RBBP8: variants seen among roughly 807,000 people sequenced by gnomAD.
RBBP8 encodes the protein RB binding protein 8, endonuclease, also known as DNA endonuclease RBBP8.
In RBBP8, 88 loss-of-function variants were observed where a neutral mutation model predicts 108.3. That is an observed-to-expected ratio of 0.81 (90% CI 0.68 to 0.97). The LOEUF is 0.97. Among genes scored for constraint, RBBP8 ranks in the 50% least tolerant of loss-of-function variants. The probability of loss-of-function intolerance (pLI) is 0.00; values close to 1 mark genes in which losing one functional copy is unlikely to be tolerated. For synonymous variants in RBBP8, 332 were observed against 348.2 expected (o/e 0.95, Z 0.52); for missense variants, 1,023 against 1,049.0 (o/e 0.98, Z 0.34).
At chr18:22,989,196 A>C (rs780584120) in intron 8 of RBBP8, 25 bp from the exon 9 acceptor site, 1 of 1,518,068 alleles carries the variant, frequency 6.6e-7, no homozygotes. Flanking sequence ...ATTATTTATT[A>C]AAATGGTTTA....
chr18:23,006,528 GT>G, intron 16 of RBBP8, 96 bp downstream of exon 16: 5 of 1,048,202 alleles, frequency 4.8e-6, no homozygotes, highest in Non-Finnish European at 7.2e-6. Flanking sequence ...TAAAGACAGA[GT>G]CTTGCTCTGT....
intron 14 of RBBP8, among the ~76,000 whole-genome samples, chr18:23,001,166 TAAC>T (rs1380509975): frequency 6.6e-6 from 1 of 152,350 alleles, no homozygotes; most frequent in African/African-American, 2.4e-5. Context: ...TTAACACTCT[TAAC>T]AAGACAGCTT....
intron 12 of RBBP8, among the ~76,000 whole-genome samples, chr18:22,995,624 C>G (rs2045842529): frequency 6.6e-6 from 1 of 152,070 alleles, no homozygotes; most frequent in South Asian, 2.1e-4. Context: ...GTAGATTTGC[C>G]TATTCTGGGA....
chr18:22,933,728 G>A (rs1910218181), intron 1 of RBBP8, 164 bp downstream of exon 1: 1 of 152,334 alleles, frequency 6.6e-6, no homozygotes, highest in Admixed American at 6.6e-5. Flanking sequence ...ACTCGGTGGT[G>A]GTGGACCGGC....
intron 16 of RBBP8, among the ~76,000 whole-genome samples, chr18:23,009,057 G>C (rs1202007619): frequency 2.0e-5 from 3 of 152,104 alleles, no homozygotes; most frequent in African/African-American, 7.2e-5. Context: ...ACAGGCGTGA[G>C]CCACCTCACC....
At chr18:22,927,753 A>T (rs1383498855) in intron 3 of RBBP8, among the ~76,000 whole-genome samples, 1 of 152,072 alleles carries the variant, frequency 6.6e-6, no homozygotes, top group Non-Finnish European at 1.5e-5. Context: ...AGAAAATTTA[A>T]TATTATATAT....
intron 3 of RBBP8, among the ~76,000 whole-genome samples, chr18:22,920,350 A>C (rs1347126097): frequency 6.6e-6 from 1 of 152,180 alleles, no homozygotes; most frequent in African/African-American, 2.4e-5. Context: ...CAAGACTAAC[A>C]ACTAAACTGC....
chr18:23,016,889 A>C lies in RBBP8; in HGVS notation c.2419A>C (p.Lys807Gln), dbSNP rs1419803520. 1 of 1,613,842 alleles carries C rather than the reference A, an allele frequency of 6.2e-7. No homozygotes were observed. Among genetic ancestry groups the C allele is most frequent in the East Asian group, 2.2e-5 (1 of 44,864 alleles). Residue 807 changes from lysine (K) to glutamine (Q), a missense_variant, in exon 17 of 19, where the codon AAA becomes CAA. Coordinates refer to ENST00000327155, the MANE Select transcript of RBBP8 (RefSeq NM_002894.3). ...GGTTCGGAAAAAAGAGGAGAGAAGA[A>C]AACTGCTTGGGCACACGTGTAAGGA... is the stretch of plus-strand genomic sequence containing the variant. Reference protein sequence around the residue: ...EVVRKKEERRKLLGHTCKECE... With the variant: ...EVVRKKEERRQLLGHTCKECE...
chr18:22,961,584 G>A (rs974110605), intron 4 of RBBP8, among the ~76,000 whole-genome samples: 1 of 152,206 alleles, frequency 6.6e-6, no homozygotes, highest in African/African-American at 2.4e-5. Flanking sequence ...CACGACCTGC[G>A]GGCTGCATGT....
rs553271641 is a variant in RBBP8, at chr18:23,001,729, A to C, written c.2287A>C (p.Thr763Pro). 1.9e-5 allele frequency: 30 copies of C among 1,614,054 alleles called. No homozygotes were observed. The highest frequency in any genetic ancestry group is 2.5e-5 in the Non-Finnish European group (30 of 1,180,016). Residue 763 changes from threonine to proline, a missense_variant and splice_region_variant, in exon 15 of 19, where the codon ACT becomes CCT. Physicochemically the swap from Thr to Pro is conservative, Grantham distance 38. Transcript: ENST00000327155. ...ELSTATKKLH[T>P]HGDKQDKVKQ... is the part of the protein sequence containing the mutation. The stretch of plus-strand genomic sequence containing the variant: ...GTCTACTGCCACAAAGAAACTACAC[A>C]GTAAGATTTTTTTCTGTTTAATTAT...
upstream of RBBP8, among the ~76,000 whole-genome samples, chr18:22,931,824 A>G (rs1251013604): frequency 1.3e-5 from 2 of 152,130 alleles, no homozygotes; most frequent in African/African-American, 4.8e-5. Context: ...ATCATGTACC[A>G]TTTTTCAACA....
At position 22,993,918 on chromosome 18, in the gene RBBP8, A is replaced by T. The variant is rs1258196634; in HGVS notation, c.1939+71A>T. The T allele has an allele frequency of 2.0e-6, 3 of 1,488,796 alleles. No homozygotes were observed. In the African/African-American group the frequency reaches 4.2e-5, roughly 21 times the overall value. The allele number at this position is 1,488,796 out of a possible 1,614,324, so 92.2% of individuals were successfully genotyped here. A position where few individuals can be genotyped will look rare whatever the true frequency, so the allele number is the denominator to read the frequency against. ...ATTGAATGTCATTATTTACTTTTTT[A>T]AATAGATTGAATTGTTTTGGAAAAA... On this transcript the variant is annotated intron_variant, in intron 12 of 18. Transcript: ENST00000327155.
intron 4 of RBBP8, among the ~76,000 whole-genome samples, chr18:22,950,666 T>G (rs986013714): frequency 3.9e-5 from 6 of 152,034 alleles, no homozygotes; most frequent in Non-Finnish European, 5.9e-5. Context: ...GCCTGTAACC[T>G]CAGTTCTTTG....
intron 3 of RBBP8, among the ~76,000 whole-genome samples, chr18:22,949,095 C>T (rs1344071927): frequency 6.6e-6 from 1 of 152,074 alleles, no homozygotes; most frequent in East Asian, 1.9e-4. Context: ...ATTAATGTAT[C>T]TACACTTGGT....
At position 23,014,656 on chromosome 18, in the gene RBBP8, T is replaced by C. The variant is rs568357988; in HGVS notation, c.2358-2172T>C. On this transcript the variant is annotated intron_variant, in intron 16 of 18. Coordinates refer to ENST00000327155, the MANE Select transcript of RBBP8 (RefSeq NM_002894.3). ...TTAAAACAAACTAACTAAATAATAATGAATAAAATAAAATGTTGTGCTTCT... is the reference window on the plus strand; with the variant it reads ...TTAAAACAAACTAACTAAATAATAACGAATAAAATAAAATGTTGTGCTTCT... Among the ~76,000 whole-genome samples, 21 of 152,228 alleles carry C rather than the reference T, an allele frequency of 1.4e-4. 1 individual carries two copies. In the South Asian group the frequency reaches 4.2e-3, roughly 30 times the overall value.
At chr18:23,002,107 G>C (rs953559645) in intron 15 of RBBP8, among the ~76,000 whole-genome samples, 2 of 152,152 alleles carry the variant, frequency 1.3e-5, no homozygotes, top group Non-Finnish European at 2.9e-5. Flanking sequence ...AGTAGAAGGA[G>C]AAAGTTTTGT....
upstream of RBBP8, among the ~76,000 whole-genome samples, chr18:22,929,631 G>A (rs564746050): frequency 2.6e-4 from 40 of 151,908 alleles, no homozygotes; most frequent in Admixed American, 1.8e-3. Flanking sequence ...TGAGCCTCCC[G>A]CGGGCCTCCC....
Position 22,989,436 on chromosome 18 carries a change from A to G in RBBP8, c.807+118A>G. The G allele has an allele frequency of 5.8e-6, 4 of 689,612 alleles. No individual in the cohort carries two copies. The South Asian group carries it at 6.0e-5, about 10-fold the overall frequency. 42.7% of individuals were successfully genotyped at this position (689,612 alleles called of 1,614,324 possible). On this transcript the variant is annotated intron_variant, in intron 9 of 18. Coordinates refer to ENST00000327155, the MANE Select transcript of RBBP8 (RefSeq NM_002894.3). ...TAAAGATCTTGGGTAAAGGCCTGAA[A>G]CAAAACTTACATTGTTAGAAAGTCC...
chr18:22,919,851 CTAAT>C (rs1290365770), intron 3 of RBBP8, among the ~76,000 whole-genome samples: 2 of 152,002 alleles, frequency 1.3e-5, no homozygotes, highest in African/African-American at 2.4e-5. Context: ...CATGTCTAGC[CTAAT>C]TAATTATATA....
Sources: gnomAD v4.1 joint callset for allele counts (sites outside exome capture counted in the v4.1 genomes callset) on GRCh38, gnomAD v4.1.1 for gene constraint, MANE v1.5 for transcripts, NCBI Gene and HGNC (gene_info 2026-07-23, HGNC 2026-07-21) for gene names.